MED13L: variants seen among roughly 807,000 people sequenced by gnomAD.
MED13L encodes the protein mediator complex subunit 13L, also known as mediator of RNA polymerase II transcription subunit 13-like.
A neutral mutation model predicts 220.9 loss-of-function variants in MED13L; 7 were observed. The ratio of observed to expected loss-of-function variants is 0.03; its 90% CI spans 0.02 to 0.06. The LOEUF is 0.06. MED13L is among the 10% of genes least tolerant of loss of function. The pLI, the probability that MED13L is intolerant of heterozygous loss-of-function variation, is 1.00. For missense variants in MED13L, 1,965 were observed against 2,760.5 expected (o/e 0.71, Z 6.46); for synonymous variants, 1,011 against 1,015.2 (o/e 1.00, Z 0.08).
At chr12:116,170,160 T>C (rs1879569750) in intron 2 of MED13L, among the ~76,000 whole-genome samples, 1 of 152,222 alleles carries the variant, frequency 6.6e-6, no homozygotes, top group Non-Finnish European at 1.5e-5. Context: ...ATTCTGTATG[T>C]TGACACATTT....
chr12:116,115,569 T>C lies in MED13L; in HGVS notation c.311-4057A>G, dbSNP rs372916336. On this transcript the variant is annotated intron_variant, in intron 2 of 30. Transcript: ENST00000281928. The stretch of plus-strand genomic sequence containing the variant: ...GTTATGTTAAGCTATGGAAAAGACA[T>C]GCCACAGATGGGGAATAAACAGTTA... Among the ~76,000 whole-genome samples the C allele has an allele frequency of 5.9e-5, 9 of 151,642 alleles. No homozygotes were observed. The East Asian group carries it at 1.2e-3, about 20-fold the overall frequency.
rs145626353 is a variant in MED13L, at chr12:116,116,832, T to C, written c.311-5320A>G. On this transcript the variant is annotated intron_variant, in intron 2 of 30. Transcript: ENST00000281928. ...ACACCTGCTCTCCACCTCTGCAACA[T>C]TTGGTCACAGAAGTGTTTTGTGTTG... 4.6e-5 allele frequency among the ~76,000 whole-genome samples: 7 copies of C among 151,742 alleles called. No individual in the cohort carries two copies. The East Asian group carries it at 1.4e-3, about 31-fold the overall frequency.
At chr12:116,119,830 AAAAAAAAAAT>A (rs1339197012) in intron 2 of MED13L, among the ~76,000 whole-genome samples, 2 of 119,492 alleles carry the variant, frequency 1.7e-5, no homozygotes, top group Non-Finnish European at 3.4e-5. Flanking sequence ...AAAAAAAAAA[AAAAAAAAAAT>A]ATATATATAT....
intron 4 of MED13L, among the ~76,000 whole-genome samples, chr12:116,054,394 G>A (rs1203324452): frequency 7.2e-5 from 11 of 151,934 alleles, no homozygotes; most frequent in South Asian, 2.1e-4. Flanking sequence ...AATAAAAACC[G>A]AGTAACAATC....
At position 115,963,466 on chromosome 12, in the gene MED13L, G is replaced by C. The variant is rs1448108995; in HGVS notation, c.6441C>G (p.Ala2147=). ...GGTGTGGAACCCGCTGAGAATTCCT[G>C]GCAGGCAGAAGTTCGTCTGTCTGTG... The part of the protein sequence containing the change: ...SVAQTDELLP[A]RNSQRVPHPL... The change falls in exon 30 of 31, where the codon GCC becomes GCG. Residue 2147 remains alanine (A), a synonymous_variant. Coordinates refer to ENST00000281928, the MANE Select transcript of MED13L (RefSeq NM_015335.5). 5 of 1,614,098 alleles carry C rather than the reference G, an allele frequency of 3.1e-6. No homozygotes were observed. The African/African-American group carries it at 6.7e-5, about 22-fold the overall frequency.
intron 2 of MED13L, among the ~76,000 whole-genome samples, chr12:116,148,868 T>G (rs933326888): frequency 1.3e-5 from 2 of 152,050 alleles, no homozygotes; most frequent in Non-Finnish European, 2.9e-5. Flanking sequence ...TCCTCAGTAT[T>G]GCCTTCGATC....
Position 115,961,225 on chromosome 12 carries a change from G to A in MED13L, c.*41C>T. ...GCAGGTTCCTTGGACTGAGGTTGCA[G>A]GGAGAAGGAACTGAGCCAGAGAGAA... On this transcript the variant is annotated 3_prime_UTR_variant, in exon 31 of 31. Transcript: ENST00000281928. The A allele has an allele frequency of 6.2e-7, 1 of 1,612,814 alleles. No homozygotes were observed. The highest frequency in any genetic ancestry group is 8.5e-7 in the Non-Finnish European group (1 of 1,178,878).
intron 11 of MED13L, chr12:116,007,094 G>T: frequency 2.7e-6 from 1 of 375,908 alleles, no homozygotes; most frequent in Non-Finnish European, 5.0e-6. Flanking sequence ...GGGTAGTTCG[G>T]AATAATATTT....
At chr12:116,066,533 T>G (rs1869941130) in intron 4 of MED13L, among the ~76,000 whole-genome samples, 2 of 152,190 alleles carry the variant, frequency 1.3e-5, no homozygotes, top group Non-Finnish European at 2.9e-5. Flanking sequence ...AGGTATTGTG[T>G]GAGCATTTTA....
chr12:116,259,133 A>G (rs2138549804), intron 1 of MED13L, among the ~76,000 whole-genome samples: 1 of 152,310 alleles, frequency 6.6e-6, no homozygotes, highest in East Asian at 1.9e-4. Context: ...TTGATGGTTA[A>G]ACAAACAATA....
chr12:116,258,614 T>C (rs1267149549), intron 1 of MED13L, among the ~76,000 whole-genome samples: 2 of 151,782 alleles, frequency 1.3e-5, no homozygotes, highest in Non-Finnish European at 2.9e-5. Flanking sequence ...CCGTCTCTAC[T>C]AAAAATACAA....
intron 2 of MED13L, among the ~76,000 whole-genome samples, chr12:116,135,176 C>T (rs950038332): frequency 1.3e-5 from 2 of 152,070 alleles, no homozygotes; most frequent in East Asian, 1.9e-4. Flanking sequence ...CTCAAACAAA[C>T]AAACAAACAA....
intron 4 of MED13L, among the ~76,000 whole-genome samples, chr12:116,052,562 T>A (rs1217531655): frequency 6.6e-6 from 1 of 152,240 alleles, no homozygotes; most frequent in Non-Finnish European, 1.5e-5. Flanking sequence ...AAATCCATTG[T>A]GATCTTTGTG....
In MED13L at chr12:116,249,982, C is replaced by T. The variant is rs1416519317; in HGVS notation, c.73-12277G>A. On this transcript the variant is annotated intron_variant, in intron 1 of 30. Coordinates refer to ENST00000281928, the MANE Select transcript of MED13L (RefSeq NM_015335.5). ...CTCCAAGTTTCATGAAATCAATAAA[C>T]CTATGATCTAAAGAGTTCAGTGAAC... is the stretch of plus-strand genomic sequence containing the variant. Among the ~76,000 whole-genome samples the T allele has an allele frequency of 3.8e-5, 5 of 132,730 alleles. No individual in the cohort carries two copies. In the Admixed American group the frequency reaches 4.0e-4, roughly 11 times the overall value. 87.1% of individuals were successfully genotyped at this position (132,730 alleles called of 152,430 possible).
At chr12:116,177,603 T>C (rs1055054840) in intron 2 of MED13L, among the ~76,000 whole-genome samples, 1 of 152,220 alleles carries the variant, frequency 6.6e-6, no homozygotes, top group Non-Finnish European at 1.5e-5. Context: ...ACACTTTACA[T>C]TGATATTATT....
rs1010059711 is a variant in MED13L, at chr12:116,183,857, A to T, written c.310+53611T>A. ...GTGTGTGTGTGTAAAATGAGATTTT[A>T]AAAAAATGTGTGTATATATAGATAG... On this transcript the variant is annotated intron_variant, in intron 2 of 30. Transcript: ENST00000281928. Among the ~76,000 whole-genome samples the T allele has an allele frequency of 2.7e-5, 4 of 148,466 alleles. No homozygotes were observed. The East Asian group carries it at 6.1e-4, about 22-fold the overall frequency.
chr12:116,050,951 A>C (rs1566031357), intron 4 of MED13L, among the ~76,000 whole-genome samples: 1 of 152,066 alleles, frequency 6.6e-6, no homozygotes, highest in African/African-American at 2.4e-5. Context: ...CAACAACAAA[A>C]AAAAAAACCC....
intron 2 of MED13L, among the ~76,000 whole-genome samples, chr12:116,158,028 CAA>C (rs761214769): frequency 7.9e-5 from 12 of 151,230 alleles, no homozygotes; most frequent in Non-Finnish European, 1.5e-4. Context: ...GGAGTAAAAA[CAA>C]AACAATTAAA....
At chr12:116,139,258 T>C (rs1321959285) in intron 2 of MED13L, among the ~76,000 whole-genome samples, 2 of 152,126 alleles carry the variant, frequency 1.3e-5, no homozygotes, top group Non-Finnish European at 2.9e-5. Flanking sequence ...GTGTCCTATA[T>C]GTCACTGTTG....
Sources: allele counts gnomAD v4.1 joint callset (sites outside exome capture counted in the v4.1 genomes callset), GRCh38; gene constraint gnomAD v4.1.1; transcripts MANE v1.5; gene names NCBI Gene and HGNC (gene_info 2026-07-23, HGNC 2026-07-21).